ANKFN1: variants seen among roughly 807,000 people sequenced by gnomAD.
The protein encoded by ANKFN1 is ankyrin repeat and fibronectin type III domain containing 1, also known as ankyrin repeat and fibronectin type-III domain-containing protein 1.
In ANKFN1, 74 loss-of-function variants were observed where a neutral mutation model predicts 108.7. That is an observed-to-expected ratio of 0.68 (90% confidence interval 0.56 to 0.83). The LOEUF (loss-of-function observed/expected upper bound fraction) is 0.83, where lower values mean the gene tolerates loss of function less well. ANKFN1 is among the 40% of genes least tolerant of loss of function. The probability of loss-of-function intolerance (pLI) is 0.00; values close to 1 mark genes in which losing one functional copy is unlikely to be tolerated. For missense variants in ANKFN1, 1,505 were observed against 1,382.3 expected (o/e 1.09, Z -1.41); for synonymous variants, 547 against 516.2 (o/e 1.06, Z -0.81).
intron 3 of ANKFN1, among the ~76,000 whole-genome samples, chr17:56,280,036 G>GTTTTTTTTTTTTTTT (rs2044034875): frequency 7.3e-6 from 1 of 136,928 alleles, no homozygotes; most frequent in Admixed American, 7.0e-5. Context: ...TCAAGACGGA[G>GTTTTTTTTTTTTTTT]TTTCTTTTTG....
At chr17:56,092,887 C>A (rs1404140684) in intron 4 of ANKFN1, among the ~76,000 whole-genome samples, 4 of 151,026 alleles carry the variant, frequency 2.6e-5, no homozygotes. Context: ...TGGGGACCTC[C>A]AGACTCAATG....
chr17:56,507,499 C>T (rs993243028), intron 20 of ANKFN1, among the ~76,000 whole-genome samples: 5 of 151,986 alleles, frequency 3.3e-5, no homozygotes, highest in African/African-American at 1.2e-4. Context: ...ATTCTCTCTC[C>T]AATAGTTTCT....
intron 8 of ANKFN1, among the ~76,000 whole-genome samples, chr17:56,435,640 A>G (rs529808574): frequency 1.6e-4 from 24 of 152,270 alleles, no homozygotes; most frequent in African/African-American, 5.8e-4. Context: ...AAGGAATGTA[A>G]CTTTTACAGT....
intron 3 of ANKFN1, among the ~76,000 whole-genome samples, chr17:56,313,534 G>A (rs963586469): frequency 6.6e-6 from 1 of 152,152 alleles, no homozygotes; most frequent in African/African-American, 2.4e-5. Flanking sequence ...GTGGAAAGAG[G>A]ATGGCTCTCA....
chr17:56,168,723 A>T (rs991847998), intron 1 of ANKFN1, among the ~76,000 whole-genome samples: 1 of 152,236 alleles, frequency 6.6e-6, no homozygotes, highest in African/African-American at 2.4e-5. Context: ...CAACTTATTG[A>T]TAAGCCTATA....
At position 56,477,993 on chromosome 17, in the gene ANKFN1, A is replaced by C. The variant is rs571004536; in HGVS notation, c.1940+339A>C. On this transcript the variant is annotated intron_variant, in intron 16 of 20. Transcript: ENST00000682825. Reference sequence around the variant, plus strand: ...CAGGTGTGCACCACCACGCCCAGCTAACTTTGTATTTTTAGTAGAGATGGG... The same window carrying C: ...CAGGTGTGCACCACCACGCCCAGCTCACTTTGTATTTTTAGTAGAGATGGG... Among the ~76,000 whole-genome samples the C allele has an allele frequency of 7.9e-5, 12 of 152,242 alleles. No individual in the cohort carries two copies. The East Asian group carries it at 2.1e-3, about 27-fold the overall frequency.
chr17:56,187,730 C>A (rs2143665104), intron 1 of ANKFN1, among the ~76,000 whole-genome samples: 1 of 152,264 alleles, frequency 6.6e-6, no homozygotes, highest in African/African-American at 2.4e-5. Flanking sequence ...GGCACATATA[C>A]ACTATGGAAT....
intron 4 of ANKFN1, among the ~76,000 whole-genome samples, chr17:56,075,508 C>G (rs1341525986): frequency 6.6e-6 from 1 of 152,070 alleles, no homozygotes; most frequent in Middle Eastern, 3.2e-3. Context: ...AAGCAGAGTT[C>G]TTCCAAATGA....
intron 19 of ANKFN1, among the ~76,000 whole-genome samples, chr17:56,495,307 T>C (rs1598721701): frequency 6.9e-6 from 1 of 144,166 alleles, no homozygotes; most frequent in East Asian, 2.1e-4. Context: ...TTATGTTGAC[T>C]TTGTGGTCTC....
intron 1 of ANKFN1, among the ~76,000 whole-genome samples, chr17:56,177,074 C>G (rs1911230994): frequency 6.6e-6 from 1 of 152,194 alleles, no homozygotes; most frequent in South Asian, 2.1e-4. Context: ...AGGGATTTCC[C>G]CAGAGCCCCC....
chr17:56,389,806 C>T (rs1363291516), intron 8 of ANKFN1, among the ~76,000 whole-genome samples: 1 of 152,042 alleles, frequency 6.6e-6, no homozygotes, highest in African/African-American at 2.4e-5. Flanking sequence ...GATATGAGTT[C>T]CTTGAAGGCA....
chr17:56,281,343 C>G (rs760958059), intron 3 of ANKFN1, among the ~76,000 whole-genome samples: 4 of 151,970 alleles, frequency 2.6e-5, no homozygotes, highest in Non-Finnish European at 5.9e-5. Context: ...TCTAGAACAA[C>G]TAGATCATAA....
At chr17:56,354,362 G>C (rs766261272) in intron 6 of ANKFN1, among the ~76,000 whole-genome samples, 41 of 152,274 alleles carry the variant, frequency 2.7e-4, no homozygotes, top group Non-Finnish European at 5.0e-4. Flanking sequence ...ATATATAGAA[G>C]AATGAGCATT....
At chr17:56,143,193 T>C (rs1047245294) in intron 4 of ANKFN1, among the ~76,000 whole-genome samples, 1 of 152,204 alleles carries the variant, frequency 6.6e-6, no homozygotes, top group Non-Finnish European at 1.5e-5. Context: ...CATGGTAGGC[T>C]AGAGGCTGCA....
At chr17:56,367,885 G>C (rs1567948422) in intron 6 of ANKFN1, among the ~76,000 whole-genome samples, 2 of 152,140 alleles carry the variant, frequency 1.3e-5, no homozygotes, top group Non-Finnish European at 2.9e-5. Flanking sequence ...ATACCAAATA[G>C]ATAACAATCA....
chr17:56,154,599 T>A (rs1247803656), intron 1 of ANKFN1, among the ~76,000 whole-genome samples: 2 of 148,512 alleles, frequency 1.3e-5, no homozygotes, highest in African/African-American at 5.0e-5. Flanking sequence ...TTGCTGAGTT[T>A]AAACTGGCTA....
At chr17:56,305,861 TG>T (rs2044807651) in intron 3 of ANKFN1, among the ~76,000 whole-genome samples, 1 of 152,228 alleles carries the variant, frequency 6.6e-6, no homozygotes, top group Non-Finnish European at 1.5e-5. Context: ...TTTGGTTTGG[TG>T]TTTTTTGCCT....
chr17:56,451,150 T>C (rs1003256291), intron 11 of ANKFN1, among the ~76,000 whole-genome samples: 12 of 152,340 alleles, frequency 7.9e-5, no homozygotes, highest in African/African-American at 2.6e-4. Flanking sequence ...GTTTTGGAAA[T>C]GTTGAATTCT....
chr17:56,118,811 T>C (rs1256473426), intron 4 of ANKFN1, among the ~76,000 whole-genome samples: 1 of 152,184 alleles, frequency 6.6e-6, no homozygotes, highest in African/African-American at 2.4e-5. Context: ...TTTACCAAGT[T>C]GACTGTTATG....
Sources: gnomAD v4.1 joint callset for allele counts (sites outside exome capture counted in the v4.1 genomes callset) on GRCh38, gnomAD v4.1.1 for gene constraint, MANE v1.5 for transcripts, NCBI Gene and HGNC (gene_info 2026-07-23, HGNC 2026-07-21) for gene names.